The following ZNF486 variants were observed in gnomAD, a reference collection of about 807,000 sequenced individuals.
ZNF486 encodes the protein zinc finger protein 486, also known as KRAB box only protein 2.
A neutral mutation model predicts 12.8 loss-of-function variants in ZNF486; 12 were observed. The observed-to-expected ratio is 0.94, with a 90% CI of 0.60 to 1.52. ZNF486 has a LOEUF of 1.52. ZNF486 is among the 40% of genes most tolerant of loss of function. The pLI, the probability that ZNF486 is intolerant of heterozygous loss-of-function variation, is 0.00. For missense variants in ZNF486, 738 were observed against 545.0 expected (o/e 1.35, Z -3.53); for synonymous variants, 231 against 184.9 (o/e 1.25, Z -2.02).
rs368395511 is a variant in ZNF486 at position 20,197,487 on chromosome 19, T to A, written c.777T>A (p.Ile259=). The part of the protein sequence containing the change: ...YFSSFTTHKK[I]HSGEKPYICE... ...CTAGCTTTACTACACATAAGAAAAT[T>A]CATAGTGGAGAGAAACCCTACATTT... Residue 259 remains isoleucine (I), a synonymous_variant, in exon 4 of 4, where the codon ATT becomes ATA. Coordinates refer to ENST00000335117, the MANE Select transcript of ZNF486 (RefSeq NM_052852.4). 76 of 1,609,030 alleles carry A rather than the reference T, an allele frequency of 4.7e-5. No homozygotes were observed. In the African/African-American group the frequency reaches 8.6e-4, roughly 18 times the overall value.
At chr19:20,179,520 G>C (rs10407956) in intron 1 of ZNF486, among the ~76,000 whole-genome samples, 1 of 151,894 alleles carries the variant, frequency 6.6e-6, no homozygotes, top group Non-Finnish European at 1.5e-5. Context: ...GAATGTGTTA[G>C]AGCAGCCTCT....
chr19:20,175,708 T>C (rs1413423489), intron 1 of ZNF486, among the ~76,000 whole-genome samples: 3 of 152,196 alleles, frequency 2.0e-5, no homozygotes, highest in African/African-American at 7.2e-5. Context: ...CAGACCAAAA[T>C]GAAAAGTCTC....
intron 3 of ZNF486, among the ~76,000 whole-genome samples, chr19:20,191,462 C>CAAA (rs35968267): frequency 4.1e-5 from 4 of 97,374 alleles, no homozygotes; most frequent in African/African-American, 1.4e-4. Context: ...GAGATTCCTT[C>CAAA]AAAAAAAAAA....
rs1568328499 is a variant in ZNF486, at chr19:20,197,511, T to G, written c.801T>G (p.Ile267Met). 6.2e-7 allele frequency: 1 copy of G among 1,606,872 alleles called. No homozygotes were observed. Among genetic ancestry groups the G allele is most frequent in the Admixed American group, 1.7e-5 (1 of 59,406 alleles). The change falls in exon 4 of 4, where the codon ATT (isoleucine) becomes ATG (methionine). Residue 267 changes from isoleucine to methionine, a missense_variant. Transcript: ENST00000335117. ...TTCATAGTGGAGAGAAACCCTACAT[T>G]TGTGAAGAATGTGGCAAAGCCTTTA... ...KKIHSGEKPY[I>M]CEECGKAFMY... is the part of the protein sequence containing the mutation.
chr19:20,193,480 T>C (rs1555717476), intron 3 of ZNF486, among the ~76,000 whole-genome samples: 2 of 151,870 alleles, frequency 1.3e-5, no homozygotes, highest in African/African-American at 2.4e-5. Context: ...GCCAACATGG[T>C]GAAACGCTGT....
intron 3 of ZNF486, among the ~76,000 whole-genome samples, chr19:20,189,201 A>G (rs1173492494): frequency 1.3e-5 from 2 of 152,102 alleles, no homozygotes; most frequent in African/African-American, 4.8e-5. Context: ...CCTCCCAAGT[A>G]GCTGTGATTA....
chr19:20,182,593 T>A (rs1555715742), intron 1 of ZNF486, among the ~76,000 whole-genome samples: 1 of 152,116 alleles, frequency 6.6e-6, no homozygotes, highest in Non-Finnish European at 1.5e-5. Flanking sequence ...TCTGTTTGGG[T>A]TTGGTACAGA....
At position 20,194,261 on chromosome 19, in the gene ZNF486, G is replaced by A. The variant is rs566143650; in HGVS notation, c.254-2703G>A. On this transcript the variant is annotated intron_variant, in intron 3 of 3. Coordinates refer to ENST00000335117, the MANE Select transcript of ZNF486 (RefSeq NM_052852.4). ...TCCTTTTAGCATCTTTGATGTGTAT[G>A]GTGTATGCAGTGCCAATATACTTTC... Among the ~76,000 whole-genome samples the A allele has an allele frequency of 2.3e-4, 35 of 152,232 alleles. No homozygotes were observed. The South Asian group carries it at 5.8e-3, about 25-fold the overall frequency.
At chr19:20,191,458 C>T (rs567627369) in intron 3 of ZNF486, among the ~76,000 whole-genome samples, 3 of 125,608 alleles carry the variant, frequency 2.4e-5, no homozygotes, top group African/African-American at 1.0e-4. Flanking sequence ...CAGCGAGATT[C>T]CTTCAAAAAA....
intron 1 of ZNF486, among the ~76,000 whole-genome samples, chr19:20,183,584 G>C (rs540137356): frequency 2.6e-5 from 4 of 152,152 alleles, no homozygotes; most frequent in Non-Finnish European, 5.9e-5. Context: ...TCTTCTGTGT[G>C]AATTAGGACA....
intron 1 of ZNF486, among the ~76,000 whole-genome samples, chr19:20,183,508 C>G (rs1378427609): frequency 6.6e-6 from 1 of 152,098 alleles, no homozygotes; most frequent in Non-Finnish European, 1.5e-5. Context: ...AAACATGTTT[C>G]TTTATGGTTA....
At chr19:20,187,485 C>A (rs1307072001) in intron 3 of ZNF486, among the ~76,000 whole-genome samples, 1 of 148,968 alleles carries the variant, frequency 6.7e-6, no homozygotes. Context: ...TTTGATGGAG[C>A]AAACACCTCT....
rs111644337 is a variant in ZNF486 at position 20,186,975 on chromosome 19, G to T, written c.253+893G>T. Among the ~76,000 whole-genome samples, 1,395 of 150,900 alleles carry T rather than the reference G, an allele frequency of 9.2e-3. 23 individuals are homozygous for T. Among genetic ancestry groups the T allele is most frequent in the African/African-American group, 0.032 (1,299 of 40,646 alleles). The stretch of plus-strand genomic sequence containing the variant: ...TTTTTTTTGTATTTTTTGTAGAGAG[G>T]GGTTTCACCATGTTGGCCAGGCTGG... On this transcript the variant is annotated intron_variant, in intron 3 of 3. Coordinates refer to ENST00000335117, the MANE Select transcript of ZNF486 (RefSeq NM_052852.4).
chr19:20,174,596 C>A (rs1288087986), intron 1 of ZNF486, among the ~76,000 whole-genome samples: 1 of 152,028 alleles, frequency 6.6e-6, no homozygotes, highest in African/African-American at 2.4e-5. Context: ...ACCATGTTCG[C>A]CAGTTTGATC....
intron 3 of ZNF486, among the ~76,000 whole-genome samples, chr19:20,191,451 C>G (rs1481984576): frequency 5.8e-5 from 6 of 102,992 alleles, no homozygotes; most frequent in African/African-American, 2.4e-4. Context: ...TGGGCGACAG[C>G]GAGATTCCTT....
intron 1 of ZNF486, 142 bp downstream of exon 1, chr19:20,167,502 T>C: frequency 1.0e-6 from 1 of 958,140 alleles, no homozygotes; most frequent in Non-Finnish European, 1.6e-6. Flanking sequence ...TCAGTCCCCT[T>C]CAGCCATAAG....
At chr19:20,173,716 C>T (rs1555714257) in intron 1 of ZNF486, among the ~76,000 whole-genome samples, 1 of 151,916 alleles carries the variant, frequency 6.6e-6, no homozygotes, top group Non-Finnish European at 1.5e-5. Flanking sequence ...CCTGTAGTCC[C>T]AGCTACTTGG....
At chr19:20,179,381 A>C (rs2089759760) in intron 1 of ZNF486, among the ~76,000 whole-genome samples, 1 of 152,202 alleles carries the variant, frequency 6.6e-6, no homozygotes, top group African/African-American at 2.4e-5. Context: ...AATACTACTA[A>C]TCAAAGTGTA....
At chr19:20,177,487 T>C (rs1241101558) in intron 1 of ZNF486, among the ~76,000 whole-genome samples, 1 of 152,266 alleles carries the variant, frequency 6.6e-6, no homozygotes, top group Non-Finnish European at 1.5e-5. Flanking sequence ...CTTCTACTTA[T>C]GGACTAATTA....
Sources: allele counts gnomAD v4.1 joint callset (sites outside exome capture counted in the v4.1 genomes callset), GRCh38; gene constraint gnomAD v4.1.1; transcripts MANE v1.5; gene names NCBI Gene and HGNC (gene_info 2026-07-23, HGNC 2026-07-21).